The following DNAH8 variants were observed in gnomAD, a reference collection of about 807,000 sequenced individuals.
The protein encoded by DNAH8 is dynein axonemal heavy chain 8.
A neutral mutation model predicts 562.1 loss-of-function variants in DNAH8; 382 were observed. The ratio of observed to expected loss-of-function variants is 0.68; its 90% CI spans 0.63 to 0.74. The LOEUF (loss-of-function observed/expected upper bound fraction) is 0.74, where lower values mean the gene tolerates loss of function less well. Ranked by LOEUF, DNAH8 falls within the 30% of genes least tolerant of loss-of-function variation. The probability of loss-of-function intolerance (pLI) is 0.00; values close to 1 mark genes in which losing one functional copy is unlikely to be tolerated. For missense variants in DNAH8, 5,203 were observed against 5,620.4 expected (o/e 0.93, Z 2.37); for synonymous variants, 1,881 against 1,919.4 (o/e 0.98, Z 0.52).
chr6:39,008,693 CT>C (rs34058863), intron 88 of DNAH8, 120 bp from the exon 89 acceptor site: 5,152 of 366,862 alleles, frequency 0.014, no homozygotes, highest in South Asian at 0.025. Context: ...AACTTTTCTT[CT>C]TTTTTTTTTT....
chr6:38,726,291 A>C (rs889890164), intron 3 of DNAH8, among the ~76,000 whole-genome samples: 4 of 152,186 alleles, frequency 2.6e-5, no homozygotes, highest in Admixed American at 6.5e-5. Context: ...TAACTGCTAG[A>C]ACTAAGATGT....
At chr6:38,995,988 G>A (rs12196300) in intron 88 of DNAH8, among the ~76,000 whole-genome samples, 61,369 of 152,066 alleles carry the variant, frequency 0.4, 12,789 homozygotes, top group East Asian at 0.59. Flanking sequence ...ATACTAAGAA[G>A]GAACTTAGTA....
At chr6:38,960,038 G>T (rs767710277) in intron 82 of DNAH8, among the ~76,000 whole-genome samples, 1 of 152,002 alleles carries the variant, frequency 6.6e-6, no homozygotes, top group Non-Finnish European at 1.5e-5. Context: ...TTCAATAAAT[G>T]GTGTTGGGAA....
chr6:38,730,611 A>G (rs1383766169), intron 4 of DNAH8, among the ~76,000 whole-genome samples: 2 of 152,182 alleles, frequency 1.3e-5, no homozygotes, highest in Non-Finnish European at 2.9e-5. Context: ...TTCCAGATTG[A>G]AAACCAGTAT....
chr6:38,870,364 T>C (rs1266920266), intron 48 of DNAH8, 37 bp from the exon 49 acceptor site: 1 of 1,596,832 alleles, frequency 6.3e-7, no homozygotes, highest in Non-Finnish European at 8.6e-7. Flanking sequence ...GTTTGTTGAC[T>C]GAATGAGTAA....
chr6:38,826,627 T>C (rs1167813057), intron 29 of DNAH8, among the ~76,000 whole-genome samples: 3 of 152,146 alleles, frequency 2.0e-5, no homozygotes, highest in Non-Finnish European at 4.4e-5. Flanking sequence ...AATGCTATAG[T>C]GGGGTAGGTA....
intron 13 of DNAH8, among the ~76,000 whole-genome samples, chr6:38,777,235 G>A (rs1320609958): frequency 2.0e-5 from 3 of 151,948 alleles, no homozygotes; most frequent in African/African-American, 4.8e-5. Context: ...AAAATGCTTC[G>A]AAAGTTAAAT....
chr6:38,897,144 C>T (rs1041347163), intron 60 of DNAH8, among the ~76,000 whole-genome samples: 9 of 151,882 alleles, frequency 5.9e-5, no homozygotes, highest in Non-Finnish European at 8.8e-5. Context: ...GAGTGACAGG[C>T]GTGAGCCACC....
At chr6:38,864,452 G>T (rs1056422664) in intron 45 of DNAH8, among the ~76,000 whole-genome samples, 1 of 152,166 alleles carries the variant, frequency 6.6e-6, no homozygotes, top group African/African-American at 2.4e-5. Context: ...TCTCTGTCAT[G>T]CCACATGTCC....
chr6:38,861,243 C>A (rs927297772), intron 43 of DNAH8, among the ~76,000 whole-genome samples: 2 of 152,174 alleles, frequency 1.3e-5, no homozygotes, highest in African/African-American at 4.8e-5. Context: ...CAAATCACAT[C>A]TTCAGCCTCC....
rs557128576 is a variant in DNAH8 at position 38,911,472 on chromosome 6, C to T, written c.9745C>T (p.Arg3249Cys). ...CTTTTAATGTTCTGCTTTCAGATAC[C>T]GCCGAAGAGCACATGTGACTCCCAA... Reference protein sequence around the residue: ...ESCESYFQRYRRRAHVTPKSY... With the variant: ...ESCESYFQRYCRRAHVTPKSY... The change falls in exon 66 of 93, where the codon CGC becomes TGC. Residue 3249 changes from arginine to cysteine, a missense_variant. Arg to Cys is a radical substitution (Grantham distance 180). Around this residue, in one of 6 missense-constraint regions of DNAH8, gnomAD observed 977 missense variants for 1,061.8 expected, o/e 0.92. Transcript: ENST00000327475. 2.8e-5 allele frequency: 45 copies of T among 1,608,366 alleles called. No individual in the cohort carries two copies. The highest frequency in any genetic ancestry group is 1.2e-4 in the South Asian group (11 of 90,912).
chr6:38,718,723 G>C (rs995679404), intron 1 of DNAH8, among the ~76,000 whole-genome samples: 1 of 152,116 alleles, frequency 6.6e-6, no homozygotes, highest in Non-Finnish European at 1.5e-5. Flanking sequence ...AACAGAGTCT[G>C]TATGTCAGTG....
chr6:38,862,540 G>C, intron 44 of DNAH8, 82 bp downstream of exon 44: 1 of 1,469,482 alleles, frequency 6.8e-7, no homozygotes, highest in Non-Finnish European at 9.2e-7. Flanking sequence ...TAAATCCAAA[G>C]TGACGTGATC....
chr6:38,879,777 T>C (rs1778324763), intron 53 of DNAH8, among the ~76,000 whole-genome samples: 1 of 152,156 alleles, frequency 6.6e-6, no homozygotes, highest in Non-Finnish European at 1.5e-5. Context: ...AAATTCTCTT[T>C]ATTTGCAGAT....
At chr6:39,022,869 A>T (rs1767021370) in intron 91 of DNAH8, among the ~76,000 whole-genome samples, 1 of 152,234 alleles carries the variant, frequency 6.6e-6, no homozygotes, top group Non-Finnish European at 1.5e-5. Context: ...AGCATTTTAT[A>T]AATTGTATTT....
At chr6:38,960,164 A>G (rs1290571027) in intron 82 of DNAH8, among the ~76,000 whole-genome samples, 3 of 152,082 alleles carry the variant, frequency 2.0e-5, no homozygotes, top group East Asian at 1.9e-4. Context: ...TGAAACTACT[A>G]TGAGAAAACA....
chr6:38,974,147 A>G (rs1763522913), intron 84 of DNAH8, among the ~76,000 whole-genome samples: 1 of 152,180 alleles, frequency 6.6e-6, no homozygotes, highest in African/African-American at 2.4e-5. Context: ...AAATCTGAAA[A>G]TCGAAACCCG....
intron 72 of DNAH8, 50 bp downstream of exon 72, chr6:38,923,235 G>A: frequency 6.2e-7 from 1 of 1,602,220 alleles, no homozygotes; most frequent in Non-Finnish European, 8.5e-7. Flanking sequence ...TGACATTAGA[G>A]AACATAAAGT....
chr6:38,966,325 T>C (rs1278362416), intron 82 of DNAH8, among the ~76,000 whole-genome samples: 1 of 152,142 alleles, frequency 6.6e-6, no homozygotes, highest in African/African-American at 2.4e-5. Flanking sequence ...CCATAAGAAG[T>C]ATGGAGATTT....
Sources: allele counts gnomAD v4.1 joint callset (sites outside exome capture counted in the v4.1 genomes callset), GRCh38; gene constraint gnomAD v4.1.1; regional missense constraint gnomAD v4.1.1; transcripts MANE v1.5; gene names NCBI Gene and HGNC (gene_info 2026-07-23, HGNC 2026-07-21).